Variants in ZC3H12B observed in about 807,000 individuals in gnomAD.
The protein encoded by ZC3H12B is zinc finger CCCH-type containing 12B, also known as probable ribonuclease ZC3H12B.
A neutral mutation model predicts 43.9 loss-of-function variants in ZC3H12B; 7 were observed. The observed-to-expected ratio is 0.16, with a 90% CI of 0.09 to 0.30. ZC3H12B has a LOEUF of 0.30. Ranked by LOEUF, ZC3H12B falls within the 10% of genes least tolerant of loss-of-function variation. The pLI, the probability that ZC3H12B is intolerant of heterozygous loss-of-function variation, is 1.00. For synonymous variants in ZC3H12B, 222 were observed against 241.7 expected (o/e 0.92, Z 0.76); for missense variants, 475 against 670.2 (o/e 0.71, Z 3.22).
the ZC3H12B span, among the ~76,000 whole-genome samples, chrX:65,231,373 G>A: frequency 1.3e-4 from 14 of 111,340 alleles, no homozygotes; most frequent in African/African-American, 4.6e-4. Flanking sequence ...CATCTTAACA[G>A]GAAACAGGGT....
intron 3 of ZC3H12B, among the ~76,000 whole-genome samples, chrX:65,423,952 C>G (rs945587733): frequency 9.0e-6 from 1 of 111,527 alleles, no homozygotes; most frequent in Non-Finnish European, 1.9e-5. Context: ...TCCATTGATA[C>G]CTAGTTTGTT....
chrX:65,252,764 G>C, the ZC3H12B span, among the ~76,000 whole-genome samples: 1 of 111,936 alleles, frequency 8.9e-6, no homozygotes, highest in Non-Finnish European at 1.9e-5. Flanking sequence ...GTGATTTAAA[G>C]TACCCTGTAG....
chrX:65,503,628 T>TC (rs1253770167), exon 5 of ZC3H12B: 3 of 113,914 alleles, frequency 2.6e-5, no homozygotes, highest in African/African-American at 1.0e-4. Context: ...CTTTATTTTT[T>TC]TTTTTTGAGA....
chrX:65,163,915 T>TC, the ZC3H12B span, among the ~76,000 whole-genome samples: 7 of 111,202 alleles, frequency 6.3e-5, no homozygotes, highest in East Asian at 5.7e-4. Flanking sequence ...CCATCTTGGC[T>TC]CCCCCCCTCT....
the ZC3H12B span, among the ~76,000 whole-genome samples, chrX:65,345,253 A>G: frequency 8.9e-6 from 1 of 112,241 alleles, no homozygotes; most frequent in Admixed American, 9.4e-5. Context: ...ATGCATATGT[A>G]CATTGCAGCA....
the ZC3H12B span, among the ~76,000 whole-genome samples, chrX:65,150,367 G>T: frequency 3.7e-5 from 4 of 106,993 alleles, no homozygotes; most frequent in Non-Finnish European, 5.8e-5. Context: ...GAATATTTCA[G>T]TTTTTTTTTT....
At chrX:65,157,028 T>A in the ZC3H12B span, among the ~76,000 whole-genome samples, 1 of 111,509 alleles carries the variant, frequency 9.0e-6, no homozygotes, top group East Asian at 2.8e-4. Flanking sequence ...TTGCCCAGGC[T>A]GGAGTGCAGT....
At chrX:65,258,104 G>A in the ZC3H12B span, among the ~76,000 whole-genome samples, 1 of 111,343 alleles carries the variant, frequency 9.0e-6, no homozygotes, top group African/African-American at 3.3e-5. Flanking sequence ...CTTCAGGCCA[G>A]TTTCCATGAT....
the ZC3H12B span, among the ~76,000 whole-genome samples, chrX:65,096,405 G>C: frequency 1.8e-5 from 2 of 111,855 alleles, no homozygotes; most frequent in Non-Finnish European, 3.8e-5. Context: ...TGATTAATAT[G>C]CTAAGGATTC....
the ZC3H12B span, among the ~76,000 whole-genome samples, chrX:65,297,111 C>T: frequency 9.0e-6 from 1 of 111,400 alleles, no homozygotes. Context: ...CCCACTTTCA[C>T]CTCTTTATTC....
At chrX:65,120,077 G>A in the ZC3H12B span, among the ~76,000 whole-genome samples, 5 of 111,957 alleles carry the variant, frequency 4.5e-5, no homozygotes, top group Non-Finnish European at 7.5e-5. Context: ...AAGTCAGGTA[G>A]CGTGATGCCT....
the ZC3H12B span, among the ~76,000 whole-genome samples, chrX:65,237,418 T>A: frequency 8.9e-6 from 1 of 111,777 alleles, no homozygotes; most frequent in Non-Finnish European, 1.9e-5. Context: ...CATTTTGTAT[T>A]CTGAGACTTT....
At chrX:65,329,316 T>G in the ZC3H12B span, among the ~76,000 whole-genome samples, 5 of 111,674 alleles carry the variant, frequency 4.5e-5, no homozygotes, top group African/African-American at 1.7e-4. Context: ...TGAGCATTTT[T>G]TCATGTGTCT....
At chrX:65,086,343 T>TG in the ZC3H12B span, among the ~76,000 whole-genome samples, 1 of 111,730 alleles carries the variant, frequency 9.0e-6, no homozygotes, top group Admixed American at 9.5e-5. Flanking sequence ...TATTTACTTG[T>TG]TTGAGAAATT....
At chrX:65,205,182 T>C in the ZC3H12B span, among the ~76,000 whole-genome samples, 1 of 112,166 alleles carries the variant, frequency 8.9e-6, no homozygotes, top group Non-Finnish European at 1.9e-5. Context: ...ATTTTGACTT[T>C]TTTTTGTTCA....
chrX:65,472,019 C>A (rs933862597), intron 3 of ZC3H12B, among the ~76,000 whole-genome samples: 1 of 111,554 alleles, frequency 9.0e-6, no homozygotes, highest in African/African-American at 3.3e-5. Flanking sequence ...TAGTGAAAAA[C>A]TCCCTCAGCA....
chrX:65,365,249 A>G (rs950117254), upstream of ZC3H12B, among the ~76,000 whole-genome samples: 6 of 111,103 alleles, frequency 5.4e-5, no homozygotes, highest in African/African-American at 2.0e-4. Flanking sequence ...TAGAGCCCAA[A>G]AACTCACCAA....
chrX:65,275,467 C>A, the ZC3H12B span, among the ~76,000 whole-genome samples: 9,363 of 112,797 alleles, frequency 0.083, 1,028 homozygotes, highest in African/African-American at 0.29. Flanking sequence ...AGTTGACTGA[C>A]CCACTATCTT....
chrX:65,488,794 TA>T (rs1459445718), exon 1 of ZC3H12B: 4 of 1,169,129 alleles, frequency 3.4e-6, no homozygotes, highest in Non-Finnish European at 4.6e-6. Context: ...GACGACCCAC[TA>T]AACGGGATGA....
Sources: allele counts gnomAD v4.1 joint callset (sites outside exome capture counted in the v4.1 genomes callset), GRCh38; gene constraint gnomAD v4.1.1; transcripts MANE v1.5; gene names NCBI Gene and HGNC (gene_info 2026-07-23, HGNC 2026-07-21).